The following KANK1 variants were observed in gnomAD, a reference collection of about 807,000 sequenced individuals.
The protein encoded by KANK1 is KN motif and ankyrin repeat domains 1, also known as KN motif and ankyrin repeat domain-containing protein 1.
A neutral mutation model predicts 106.2 loss-of-function variants in KANK1; 109 were observed. That is an observed-to-expected ratio of 1.03 (90% CI 0.88 to 1.20). The LOEUF is 1.20. Among genes scored for constraint, KANK1 ranks in the 50% most tolerant of loss-of-function variants. KANK1 has a pLI of 0.00. For missense variants in KANK1, 2,399 were observed against 1,710.7 expected, an observed-to-expected ratio of 1.40 and a Z score of -7.10; for synonymous variants, 873 against 652.2, an observed-to-expected ratio of 1.34 and a Z score of -5.16.
intron 1 of KANK1, among the ~76,000 whole-genome samples, chr9:643,482 T>A (rs1159817707): frequency 6.6e-6 from 1 of 150,470 alleles, no homozygotes; most frequent in East Asian, 1.9e-4. Flanking sequence ...CCCGAAGAAT[T>A]TGGTTTAAAA....
At chr9:722,824 C>G (rs1021600577) in intron 3 of KANK1, among the ~76,000 whole-genome samples, 5 of 152,160 alleles carry the variant, frequency 3.3e-5, no homozygotes, top group African/African-American at 4.8e-5. Flanking sequence ...AATGGTCCCG[C>G]ACTGTTCTAA....
At chr9:479,497 A>C (rs1347045346) in intron 3 of KANK1, among the ~76,000 whole-genome samples, 11 of 148,790 alleles carry the variant, frequency 7.4e-5, no homozygotes, top group Non-Finnish European at 1.5e-4. Flanking sequence ...CACATTTTCC[A>C]AATGGGGACG....
chr9:677,716 G>A (rs1415618612), intron 2 of KANK1: 2 of 152,200 alleles, frequency 1.3e-5, no homozygotes, highest in African/African-American at 4.8e-5. Context: ...GAATGAGTAA[G>A]AATAGTAATT....
chr9:486,727 G>A (rs372737016), intron 3 of KANK1, among the ~76,000 whole-genome samples: 4 of 151,862 alleles, frequency 2.6e-5, no homozygotes, highest in Non-Finnish European at 4.4e-5. Context: ...TTATATTTCC[G>A]TCATTATAAA....
intron 1 of KANK1, among the ~76,000 whole-genome samples, chr9:645,659 A>T (rs891972011): frequency 6.7e-6 from 1 of 150,264 alleles, no homozygotes; most frequent in Non-Finnish European, 1.5e-5. Context: ...AGGTGGGCGG[A>T]TCACCTGAGA....
chr9:472,568 A>G (rs2058040190), intron 2 of KANK1, among the ~76,000 whole-genome samples: 1 of 152,208 alleles, frequency 6.6e-6, no homozygotes, highest in Non-Finnish European at 1.5e-5. Context: ...TTTGGCCCAT[A>G]GAATGCGGCA....
At chr9:619,640 AC>A (rs1362958019) in intron 1 of KANK1, among the ~76,000 whole-genome samples, 2 of 152,174 alleles carry the variant, frequency 1.3e-5, no homozygotes, top group Non-Finnish European at 2.9e-5. Context: ...TTTACCTTTG[AC>A]TTGTGGGTGC....
Position 738,433 on chromosome 9 carries a change from A to C in KANK1, c.3482A>C (p.Asn1161Thr), listed in dbSNP as rs1281814246. 6.2e-7 allele frequency: 1 copy of C among 1,614,014 alleles called. No individual in the cohort carries two copies. Among genetic ancestry groups the C allele is most frequent in the Non-Finnish European group, 8.5e-7 (1 of 1,180,036 alleles). The change falls in exon 8 of 12, where the codon AAC becomes ACC. Residue 1161 changes from asparagine to threonine, a missense_variant. Asn to Thr is a moderately conservative substitution (Grantham distance 65). Transcript: ENST00000382297. ...TATGTCATCAACTTGGCAGACGGCA[A>C]CGGCAACACAGCCCTCCATTACAGC... ...LRYVINLADG[N>T]GNTALHYSVS... is the part of the protein sequence containing the mutation.
chr9:720,211 C>T (rs1046091598), intron 3 of KANK1, among the ~76,000 whole-genome samples: 4 of 152,200 alleles, frequency 2.6e-5, no homozygotes, highest in Admixed American at 2.6e-4. Flanking sequence ...TAGAAGACTT[C>T]ACAGTTGCCC....
At chr9:526,104 T>A (rs1012982162) in intron 1 of KANK1, among the ~76,000 whole-genome samples, 6 of 151,804 alleles carry the variant, frequency 4.0e-5, no homozygotes, top group African/African-American at 1.2e-4. Context: ...GTAGGAATTC[T>A]GATTTTATTT....
chr9:678,858 C>G (rs2138963050), intron 2 of KANK1, among the ~76,000 whole-genome samples: 1 of 152,256 alleles, frequency 6.6e-6, no homozygotes, highest in South Asian at 2.1e-4. Context: ...GGTTTCCTCC[C>G]TTGCCCTCCA....
chr9:487,516 G>A (rs1482405727), intron 3 of KANK1, among the ~76,000 whole-genome samples: 2 of 152,134 alleles, frequency 1.3e-5, no homozygotes, highest in Non-Finnish European at 2.9e-5. Flanking sequence ...TAACCTCATC[G>A]TAAGTTGGGT....
At chr9:473,171 C>T (rs959287826) in intron 2 of KANK1, 3 of 152,218 alleles carry the variant, frequency 2.0e-5, no homozygotes, top group African/African-American at 7.2e-5. Flanking sequence ...CCTCACAACA[C>T]CTTTCATAAT....
At chr9:612,785 C>T (rs1830875166) in intron 1 of KANK1, among the ~76,000 whole-genome samples, 1 of 152,114 alleles carries the variant, frequency 6.6e-6, no homozygotes, top group Non-Finnish European at 1.5e-5. Context: ...ATACCTTTGA[C>T]TGTGACACTC....
At chr9:704,954 C>T (rs1318620267) in intron 2 of KANK1, among the ~76,000 whole-genome samples, 2 of 141,536 alleles carry the variant, frequency 1.4e-5, no homozygotes, top group Admixed American at 1.5e-4. Context: ...GATCGCACCA[C>T]GTCACTCCAG....
At chr9:582,039 G>C (rs1309463981) in intron 1 of KANK1, among the ~76,000 whole-genome samples, 3 of 152,160 alleles carry the variant, frequency 2.0e-5, no homozygotes, top group Admixed American at 6.5e-5. Context: ...GGAAATTTCA[G>C]AGAGAAAAAC....
At chr9:485,223 C>T (rs751057201) in intron 3 of KANK1, among the ~76,000 whole-genome samples, 2 of 152,164 alleles carry the variant, frequency 1.3e-5, no homozygotes, top group African/African-American at 2.4e-5. Context: ...TCCTCTGATC[C>T]AGTGATAGAT....
At chr9:640,304 C>T (rs1335939959) in intron 1 of KANK1, among the ~76,000 whole-genome samples, 2 of 151,590 alleles carry the variant, frequency 1.3e-5, no homozygotes, top group African/African-American at 4.8e-5. Context: ...TGTGTGATCT[C>T]GGCTCTCTGC....
At chr9:579,850 G>C (rs1389477132) in intron 1 of KANK1, among the ~76,000 whole-genome samples, 1 of 152,134 alleles carries the variant, frequency 6.6e-6, no homozygotes, top group African/African-American at 2.4e-5. Flanking sequence ...CTGGAGGTTG[G>C]ACCTGAAAAA....
Sources: gnomAD v4.1 joint callset for allele counts (sites outside exome capture counted in the v4.1 genomes callset) on GRCh38, gnomAD v4.1.1 for gene constraint, MANE v1.5 for transcripts, NCBI Gene and HGNC (gene_info 2026-07-23, HGNC 2026-07-21) for gene names.